The following IMPG1 variants were observed in gnomAD, a reference collection of about 807,000 sequenced individuals.
IMPG1 encodes interphotoreceptor matrix proteoglycan 1, also known as interphotoreceptor matrix proteoglycan of 150 kDa.
In IMPG1, 85 loss-of-function variants were observed where a neutral mutation model predicts 92.0. The ratio of observed to expected loss-of-function variants is 0.92; its 90% CI spans 0.78 to 1.11. The LOEUF (loss-of-function observed/expected upper bound fraction) is 1.11, where lower values mean the gene tolerates loss of function less well. Ranked by LOEUF, IMPG1 falls within the 50% of genes least tolerant of loss-of-function variation. The probability of loss-of-function intolerance (pLI) is 0.00; values close to 1 mark genes in which losing one functional copy is unlikely to be tolerated. For synonymous variants in IMPG1, 367 were observed against 334.1 expected, an observed-to-expected ratio of 1.10 and a Z score of -1.08; for missense variants, 1,022 against 956.0, an observed-to-expected ratio of 1.07 and a Z score of -0.91.
rs1330501754 is a variant in IMPG1, at chr6:76,018,791, T to C, written c.734A>G (p.Gln245Arg). The change falls in exon 7 of 17, where the codon CAG becomes CGG. Residue 245 changes from glutamine (Q) to arginine (R), a missense_variant. Physicochemically the swap from Gln to Arg is conservative, Grantham distance 43. This residue lies in a region of IMPG1 where 681 missense variants were observed against 583.6 expected (regional missense o/e 1.17). Coordinates refer to ENST00000369950, the MANE Select transcript of IMPG1 (RefSeq NM_001563.4). ...GTCAGCGAGCTCTGCCTTGAACTTC[T>C]GGTTTACCAGAGAGACGCTGAGCTC... is the stretch of plus-strand genomic sequence containing the variant. ...RVELSVSLVN[Q>R]KFKAELADSQ... The C allele has an allele frequency of 1.9e-6, 3 of 1,613,512 alleles. No homozygotes were observed. Among genetic ancestry groups the C allele is most frequent in the African/African-American group, 1.3e-5 (1 of 74,982 alleles).
At chr6:76,021,160 G>T (rs2787844) in intron 6 of IMPG1, among the ~76,000 whole-genome samples, 150,487 of 152,320 alleles carry the variant, frequency 0.99, 74,357 homozygotes, top group East Asian at 1. Context: ...TATCTTAACC[G>T]GAACATTTCC....
intron 1 of IMPG1, among the ~76,000 whole-genome samples, chr6:76,061,829 T>C (rs1486404153): frequency 1.3e-5 from 2 of 152,206 alleles, no homozygotes; most frequent in East Asian, 1.9e-4. Context: ...ATTTCCATTA[T>C]GAACCTCAAA....
intron 1 of IMPG1, among the ~76,000 whole-genome samples, chr6:76,064,648 C>A (rs1448064937): frequency 6.6e-6 from 1 of 152,152 alleles, no homozygotes; most frequent in Admixed American, 6.6e-5. Context: ...CAACTCCACA[C>A]AGCATTGTCT....
chr6:76,008,414 G>A (rs1783131081), intron 8 of IMPG1, among the ~76,000 whole-genome samples: 2 of 152,204 alleles, frequency 1.3e-5, no homozygotes, highest in Admixed American at 1.3e-4. Context: ...CTCTACACAT[G>A]TGATGGGATT....
intron 5 of IMPG1, 50 bp from the exon 6 acceptor site, chr6:76,022,269 T>A: frequency 9.7e-7 from 1 of 1,031,102 alleles, no homozygotes; most frequent in Non-Finnish European, 1.5e-6. Context: ...TGGAGGAGTT[T>A]AAATTAGAAC....
intron 1 of IMPG1, among the ~76,000 whole-genome samples, chr6:76,047,155 T>C (rs1014107257): frequency 6.6e-6 from 1 of 152,194 alleles, no homozygotes; most frequent in Non-Finnish European, 1.5e-5. Flanking sequence ...CCTTTCACTG[T>C]GCTATTCCTC....
chr6:76,068,631 C>T (rs1286945670), intron 1 of IMPG1, among the ~76,000 whole-genome samples: 2 of 150,964 alleles, frequency 1.3e-5, no homozygotes, highest in African/African-American at 4.9e-5. Context: ...ATTTTCCTGC[C>T]TCAGCCTCCC....
intron 7 of IMPG1, among the ~76,000 whole-genome samples, chr6:76,015,715 G>A (rs374750426): frequency 1.4e-5 from 2 of 146,084 alleles, no homozygotes; most frequent in Non-Finnish European, 3.0e-5. Context: ...CAGGAGAATC[G>A]CTTGAACCTA....
intron 14 of IMPG1, among the ~76,000 whole-genome samples, chr6:75,943,172 T>C (rs1236929212): frequency 6.6e-6 from 1 of 152,048 alleles, no homozygotes; most frequent in Non-Finnish European, 1.5e-5. Context: ...TGCTTTGGGG[T>C]CGCTATCTCC....
chr6:76,002,574 G>A (rs1783012882), intron 12 of IMPG1, among the ~76,000 whole-genome samples: 1 of 152,202 alleles, frequency 6.6e-6, no homozygotes, highest in East Asian at 1.9e-4. Flanking sequence ...GACCTACCTT[G>A]TCCTCATGGA....
At chr6:75,931,611 A>T (rs2149450464) in intron 14 of IMPG1, among the ~76,000 whole-genome samples, 1 of 152,112 alleles carries the variant, frequency 6.6e-6, no homozygotes, top group East Asian at 1.9e-4. Flanking sequence ...TTTATAAAGC[A>T]TTAAGTCATC....
Position 76,071,773 on chromosome 6 carries a change from T to C in IMPG1, c.67+649A>G, listed in dbSNP as rs542321861. 2.0e-5 allele frequency among the ~76,000 whole-genome samples: 3 copies of C among 152,232 alleles called. No individual in the cohort carries two copies. The South Asian group carries it at 6.2e-4, about 32-fold the overall frequency. On this transcript the variant is annotated intron_variant, in intron 1 of 16. Transcript: ENST00000369950. ...TAAAAAAGTCAAACTTTCTCCAACA[T>C]GTGTGTTTCTTTTTTAAAACACACA... is the stretch of plus-strand genomic sequence containing the variant.
chr6:76,018,578 G>A, intron 7 of IMPG1, 140 bp downstream of exon 7: 1 of 687,896 alleles, frequency 1.5e-6, no homozygotes, highest in Non-Finnish European at 2.3e-6. Context: ...AGGGCCCATT[G>A]TAATTTTGGT....
At chr6:75,964,845 G>A (rs1039509922) in intron 12 of IMPG1, among the ~76,000 whole-genome samples, 38 of 152,030 alleles carry the variant, frequency 2.5e-4, no homozygotes, top group African/African-American at 8.7e-4. Context: ...CCTTCATGTT[G>A]CCCTTTTACA....
intron 12 of IMPG1, among the ~76,000 whole-genome samples, chr6:75,997,466 A>C (rs925480754): frequency 6.6e-6 from 1 of 152,212 alleles, no homozygotes; most frequent in African/African-American, 2.4e-5. Context: ...GGCTAACTGC[A>C]AATTTCTTTC....
chr6:75,934,350 A>G lies in IMPG1; in HGVS notation c.2045-3199T>C, dbSNP rs181320013. Reference sequence around the variant, plus strand: ...GTGAGCTGCCATGTAGGGCTTGGAAATATTTGTATCATTCTGAGATTTCCA... The same window carrying G: ...GTGAGCTGCCATGTAGGGCTTGGAAGTATTTGTATCATTCTGAGATTTCCA... On this transcript the variant is annotated intron_variant, in intron 14 of 16. Transcript: ENST00000369950. Among the ~76,000 whole-genome samples the G allele has an allele frequency of 1.6e-3, 243 of 152,316 alleles. 1 individual carries two copies. The highest frequency in any genetic ancestry group is 2.6e-3 in the Non-Finnish European group (180 of 68,034).
At chr6:76,068,524 T>C (rs993854747) in intron 1 of IMPG1, among the ~76,000 whole-genome samples, 1 of 149,346 alleles carries the variant, frequency 6.7e-6, no homozygotes, top group Non-Finnish European at 1.5e-5. Context: ...TTTTTTTTTT[T>C]TTTTTTTGGA....
chr6:75,930,423 A>G (rs767885895), intron 15 of IMPG1, among the ~76,000 whole-genome samples: 2 of 152,226 alleles, frequency 1.3e-5, no homozygotes, highest in African/African-American at 2.4e-5. Context: ...AATGTGTGGA[A>G]TTAACTGATT....
At chr6:75,945,940 C>T (rs1781920876) in intron 14 of IMPG1, among the ~76,000 whole-genome samples, 1 of 152,142 alleles carries the variant, frequency 6.6e-6, no homozygotes, top group Non-Finnish European at 1.5e-5. Flanking sequence ...GTGGATGGGT[C>T]CCTAAGTAAG....
Sources: gnomAD v4.1 joint callset for allele counts (sites outside exome capture counted in the v4.1 genomes callset) on GRCh38, gnomAD v4.1.1 for gene constraint, gnomAD v4.1.1 regional missense constraint, MANE v1.5 for transcripts, NCBI Gene and HGNC (gene_info 2026-07-23, HGNC 2026-07-21) for gene names.